Variants in PCDHGA1 observed in about 807,000 individuals in gnomAD.
The protein encoded by PCDHGA1 is protocadherin gamma-A1.
In PCDHGA1, 32 loss-of-function variants were observed where a neutral mutation model predicts 58.0. That is an observed-to-expected ratio of 0.55 (90% CI 0.42 to 0.74). The LOEUF (loss-of-function observed/expected upper bound fraction) is 0.74, where lower values mean the gene tolerates loss of function less well. Among genes scored for constraint, PCDHGA1 ranks in the 30% least tolerant of loss-of-function variants. The pLI is 0.00. For synonymous variants in PCDHGA1, 498 were observed against 501.1 expected, an observed-to-expected ratio of 0.99 and a Z score of 0.08; for missense variants, 1,205 against 1,182.3, an observed-to-expected ratio of 1.02 and a Z score of -0.28.
chr5:141,381,826 C>CTTTTTTTTTTTT (rs770630741), intron 1 of PCDHGA1, among the ~76,000 whole-genome samples: 14 of 74,282 alleles, frequency 1.9e-4, no homozygotes, highest in Admixed American at 5.8e-4. Context: ...CTTTCTTCTT[C>CTTTTTTTTTTTT]TTTTTTTTTT....
chr5:141,384,674 T>C (rs748841666), intron 1 of PCDHGA1: 9 of 1,614,038 alleles, frequency 5.6e-6, no homozygotes, highest in Non-Finnish European at 8.5e-7. Context: ...ACCAAGGTGG[T>C]GGCGGTGGAC....
At chr5:141,433,099 C>T (rs1003269683) in intron 1 of PCDHGA1, 1 of 1,614,190 alleles carries the variant, frequency 6.2e-7, no homozygotes, top group Non-Finnish European at 8.5e-7. Context: ...ACATGCTCGT[C>T]AGCCAGGAGA....
chr5:141,365,474 A>G, intron 1 of PCDHGA1: 1 of 1,614,006 alleles, frequency 6.2e-7, no homozygotes, highest in Non-Finnish European at 8.5e-7. Flanking sequence ...AAATGGTGAG[A>G]TTGCATGCTC....
At chr5:141,339,500 C>A (rs146857860) in intron 1 of PCDHGA1, 178 of 1,614,016 alleles carry the variant, frequency 1.1e-4, no homozygotes, top group Non-Finnish European at 1.4e-4. Flanking sequence ...CCCAAATGAC[C>A]ACTTCTCCCT....
intron 1 of PCDHGA1, chr5:141,421,720 G>T: frequency 6.2e-7 from 1 of 1,613,906 alleles, no homozygotes. Context: ...AGATGTGGGC[G>T]TGAACTCCCT....
chr5:141,399,012 A>G (rs767195686), intron 1 of PCDHGA1: 7 of 1,613,946 alleles, frequency 4.3e-6, no homozygotes, highest in Admixed American at 3.3e-5. Context: ...CAAAGAGCGG[A>G]GAAATTACCA....
intron 1 of PCDHGA1, chr5:141,391,093 C>A (rs1473023690): frequency 6.6e-6 from 1 of 152,148 alleles, no homozygotes; most frequent in Non-Finnish European, 1.5e-5. Flanking sequence ...GCCTTATCTG[C>A]AGCCCTAAAC....
chr5:141,491,966 G>A lies in PCDHGA1; in HGVS notation c.2422-2841G>A. 1.1e-6 allele frequency: 1 copy of A among 943,066 alleles called. No individual in the cohort carries two copies. Among genetic ancestry groups the A allele is most frequent in the Non-Finnish European group, 1.5e-6 (1 of 669,210 alleles). The allele number at this position is 943,066 out of a possible 1,614,324, so 58.4% of individuals were successfully genotyped here. On this transcript the variant is annotated intron_variant, in intron 1 of 3. Coordinates refer to ENST00000517417, the MANE Select transcript of PCDHGA1 (RefSeq NM_018912.3). The surrounding 1 kb of genome is among the most constrained non-coding windows in gnomAD (Gnocchi z 6.9). ...CCACCCCTACACTCAAAAAAGGCCG[G>A]GGCCTCCTTCGAGCTTCCGGTGAAT...
At chr5:141,373,930 A>G in intron 1 of PCDHGA1, 1 of 675,978 alleles carries the variant, frequency 1.5e-6, no homozygotes, top group Non-Finnish European at 2.3e-6. Context: ...TAGACGGGAA[A>G]GCAGGAAAGC....
chr5:141,427,907 C>T, intron 1 of PCDHGA1: 1 of 1,575,688 alleles, frequency 6.3e-7, no homozygotes, highest in Non-Finnish European at 8.7e-7. Flanking sequence ...CCGCGCTCAG[C>T]GCCAACATGA....
rs767397479 is a variant in PCDHGA1 at position 141,430,717 on chromosome 5, T to C, written c.2422-64090T>C. On this transcript the variant is annotated intron_variant, in intron 1 of 3. Transcript: ENST00000517417. ...GCGAAGGAACTGCTCCTGACTTCAG[T>C]GGTTAAGGGCAGAATTGAAAATAAT... is the stretch of plus-strand genomic sequence containing the variant. The C allele has an allele frequency of 8.1e-6, 12 of 1,475,446 alleles. No individual in the cohort carries two copies. The East Asian group carries it at 2.4e-4, about 29-fold the overall frequency. 91.4% of individuals were successfully genotyped at this position (1,475,446 alleles called of 1,614,324 possible). A position where few individuals can be genotyped will look rare whatever the true frequency, so the allele number is the denominator to read the frequency against.
At position 141,490,782 on chromosome 5, in the gene PCDHGA1, ACGGATCTTTGCC is replaced by A; in HGVS notation, c.2422-4023_2422-4012del. 6.2e-7 allele frequency: 1 copy of A among 1,614,054 alleles called. No individual in the cohort carries two copies. Among genetic ancestry groups the A allele is most frequent in the Non-Finnish European group, 8.5e-7 (1 of 1,179,952 alleles). ...TTGTGTATGTCAACCCAGAGGATGGACGGATCTTTGCCCAGCGTACCTTTGACTATGAATTGC... is the reference window on the plus strand; with the variant it reads ...TTGTGTATGTCAACCCAGAGGATGGACAGCGTACCTTTGACTATGAATTGC... On this transcript the variant is annotated intron_variant, in intron 1 of 3. Transcript: ENST00000517417. This position sits in a 1 kb window ranked among gnomAD's most constrained non-coding sequence, Gnocchi z 5.4.
At chr5:141,428,055 G>T in intron 1 of PCDHGA1, 1 of 1,609,070 alleles carries the variant, frequency 6.2e-7, no homozygotes, top group Non-Finnish European at 8.5e-7. Context: ...CAAGGTGGTG[G>T]CGGTGGACGC....
At chr5:141,413,244 C>T in intron 1 of PCDHGA1, 3 of 1,613,984 alleles carry the variant, frequency 1.9e-6, no homozygotes, top group Non-Finnish European at 2.5e-6. Flanking sequence ...TCTGCCTTTT[C>T]TTCGGGATTC....
At chr5:141,413,805 C>T (rs772637762) in intron 1 of PCDHGA1, 1 of 1,613,166 alleles carries the variant, frequency 6.2e-7, no homozygotes, top group South Asian at 1.1e-5. Flanking sequence ...AGGAAGAGGC[C>T]ATTCACCACC....
At chr5:141,480,085 A>G (rs2099512286) in intron 1 of PCDHGA1, among the ~76,000 whole-genome samples, 1 of 152,216 alleles carries the variant, frequency 6.6e-6, no homozygotes, top group Admixed American at 6.5e-5. Context: ...TGCATGATAT[A>G]ATGTATGCAA....
chr5:141,460,995 A>ATG lies in PCDHGA1; in HGVS notation c.2422-33808_2422-33807dup, dbSNP rs1561986931. Among the ~76,000 whole-genome samples the ATG allele has an allele frequency of 5.3e-5, 8 of 150,188 alleles. No homozygotes were observed. The East Asian group carries it at 1.4e-3, about 26-fold the overall frequency. On this transcript the variant is annotated intron_variant, in intron 1 of 3. Transcript: ENST00000517417. ...TGTGTGTGTGTGTGTATATATATAT[A>ATG]TGTGTATATATATATACCACATTTT...
chr5:141,415,977 C>A (rs1479258110), intron 1 of PCDHGA1: 2 of 354,488 alleles, frequency 5.6e-6, no homozygotes, highest in Non-Finnish European at 9.4e-6. Context: ...CCTTAAGCAA[C>A]CCTCTTGTTC....
chr5:141,420,076 T>A, intron 1 of PCDHGA1: 2 of 1,613,956 alleles, frequency 1.2e-6, no homozygotes, highest in Non-Finnish European at 1.7e-6. Context: ...GACCTGTGGG[T>A]CCCCCCAACT....
Sources: gnomAD v4.1 joint callset for allele counts (sites outside exome capture counted in the v4.1 genomes callset) on GRCh38, gnomAD v4.1.1 for gene constraint, Gnocchi (gnomAD v3.1) non-coding constraint, MANE v1.5 for transcripts, NCBI Gene and HGNC (gene_info 2026-07-23, HGNC 2026-07-21) for gene names.